The following NKAIN3 variants were observed in gnomAD, a reference collection of about 807,000 sequenced individuals.
NKAIN3 encodes the protein sodium/potassium-transporting ATPase subunit beta-1-interacting protein 3.
A neutral mutation model predicts 30.2 loss-of-function variants in NKAIN3; 25 were observed. That is an observed-to-expected ratio of 0.83 (90% CI 0.60 to 1.16). The LOEUF is 1.16. Ranked by LOEUF, NKAIN3 falls within the 50% of genes most tolerant of loss-of-function variation. The pLI, the probability that NKAIN3 is intolerant of heterozygous loss-of-function variation, is 0.00. For synonymous variants in NKAIN3, 91 were observed against 89.6 expected (o/e 1.02, Z -0.09); for missense variants, 225 against 254.1 (o/e 0.89, Z 0.78).
At chr8:62,868,336 A>G (rs1478213729) in intron 4 of NKAIN3, among the ~76,000 whole-genome samples, 1 of 120,830 alleles carries the variant, frequency 8.3e-6, no homozygotes, top group African/African-American at 3.0e-5. Context: ...TTCTTAGTTC[A>G]TTTCCTTTTT....
chr8:62,804,059 C>T (rs979028210), intron 4 of NKAIN3, among the ~76,000 whole-genome samples: 30 of 152,058 alleles, frequency 2.0e-4, no homozygotes, highest in Non-Finnish European at 3.7e-4. Flanking sequence ...CCAAGATTAA[C>T]CAGGAAGAAG....
intron 1 of NKAIN3, among the ~76,000 whole-genome samples, chr8:62,528,578 C>T (rs1764049596): frequency 6.6e-6 from 1 of 151,710 alleles, no homozygotes; most frequent in South Asian, 2.1e-4. Flanking sequence ...AAGCTCATAG[C>T]TCTTAGAGCT....
At chr8:62,761,134 C>T (rs1163191985) in intron 4 of NKAIN3, among the ~76,000 whole-genome samples, 1 of 152,082 alleles carries the variant, frequency 6.6e-6, no homozygotes, top group Non-Finnish European at 1.5e-5. Context: ...AACAGGCTCA[C>T]AGTGTATACT....
intron 5 of NKAIN3, among the ~76,000 whole-genome samples, chr8:62,918,813 C>G (rs1822183723): frequency 6.6e-6 from 1 of 152,048 alleles, no homozygotes; most frequent in African/African-American, 2.4e-5. Flanking sequence ...GCCGAGTAGA[C>G]AGTCAGCGGT....
rs566183292 is a variant in NKAIN3 at position 62,976,002 on chromosome 8, T to C, written c.*10595T>C. On this transcript the variant is annotated 3_prime_UTR_variant, in exon 7 of 7. Coordinates refer to ENST00000623646, the MANE Select transcript of NKAIN3 (RefSeq NM_001304533.3). ...ATGTAGTTGTGTGGTTTTGAGTGAG[T>C]TTCTTAATCCTGAGTTCTAACTTGA... 5.6e-4 allele frequency among the ~76,000 whole-genome samples: 86 copies of C among 152,272 alleles called. No individual in the cohort carries two copies. The highest frequency in any genetic ancestry group is 3.4e-3 in the Middle Eastern group (1 of 294).
At chr8:62,961,163 C>G (rs1253030559) in intron 6 of NKAIN3, among the ~76,000 whole-genome samples, 1 of 152,062 alleles carries the variant, frequency 6.6e-6, no homozygotes, top group Non-Finnish European at 1.5e-5. Flanking sequence ...TGACTGTAGT[C>G]CCAGCTACTT....
intron 4 of NKAIN3, among the ~76,000 whole-genome samples, chr8:62,809,026 T>A (rs564724374): frequency 1.3e-5 from 2 of 152,154 alleles, no homozygotes; most frequent in Non-Finnish European, 2.9e-5. Context: ...TGCATTCTCT[T>A]TCTCAGGGCT....
intron 6 of NKAIN3, among the ~76,000 whole-genome samples, chr8:62,954,769 C>G (rs1823376868): frequency 6.6e-6 from 1 of 152,158 alleles, no homozygotes; most frequent in Admixed American, 6.6e-5. Flanking sequence ...GAAAACACTG[C>G]AATGTGCTAA....
chr8:62,665,150 C>T (rs1483311866), intron 3 of NKAIN3, among the ~76,000 whole-genome samples: 1 of 152,180 alleles, frequency 6.6e-6, no homozygotes, highest in Admixed American at 6.5e-5. Flanking sequence ...AGGAAATTCA[C>T]ATGCACATAC....
At chr8:62,809,685 T>C (rs1230925893) in intron 4 of NKAIN3, among the ~76,000 whole-genome samples, 1 of 152,226 alleles carries the variant, frequency 6.6e-6, no homozygotes, top group Non-Finnish European at 1.5e-5. Flanking sequence ...ATTGAATGCA[T>C]ATTGAAAGCC....
chr8:62,307,306 C>A (rs1482345129), intron 1 of NKAIN3, among the ~76,000 whole-genome samples: 1 of 148,664 alleles, frequency 6.7e-6, no homozygotes, highest in Non-Finnish European at 1.5e-5. Flanking sequence ...CAATGGAAAT[C>A]AAGCCAAAAT....
At chr8:62,893,847 C>G (rs1563615724) in intron 4 of NKAIN3, among the ~76,000 whole-genome samples, 1 of 152,120 alleles carries the variant, frequency 6.6e-6, no homozygotes, top group Non-Finnish European at 1.5e-5. Flanking sequence ...CTAGAGGAGA[C>G]AGAAGATTGA....
intron 4 of NKAIN3, among the ~76,000 whole-genome samples, chr8:62,850,962 C>A (rs1161148544): frequency 6.6e-6 from 1 of 151,898 alleles, no homozygotes; most frequent in Non-Finnish European, 1.5e-5. Flanking sequence ...TCCATATGAA[C>A]TTTAAAGTAG....
intron 3 of NKAIN3, among the ~76,000 whole-genome samples, chr8:62,730,675 A>C (rs1815435844): frequency 6.6e-6 from 1 of 152,106 alleles, no homozygotes; most frequent in Non-Finnish European, 1.5e-5. Flanking sequence ...TTTTTAAAAA[A>C]TTTCTTCCTT....
chr8:62,527,822 T>C (rs898126888), intron 1 of NKAIN3, among the ~76,000 whole-genome samples: 6 of 151,892 alleles, frequency 4.0e-5, no homozygotes, highest in Admixed American at 6.6e-5. Flanking sequence ...AGGTCTGACT[T>C]GTGACTTAAT....
chr8:62,389,005 G>C (rs1293687354), intron 1 of NKAIN3, among the ~76,000 whole-genome samples: 2 of 152,144 alleles, frequency 1.3e-5, no homozygotes, highest in African/African-American at 2.4e-5. Flanking sequence ...GCCCTCCAGG[G>C]AGCAGCCCGT....
intron 5 of NKAIN3, among the ~76,000 whole-genome samples, chr8:62,939,206 G>C (rs1048786041): frequency 6.6e-6 from 1 of 151,868 alleles, no homozygotes; most frequent in East Asian, 1.9e-4. Flanking sequence ...CAAAAACAAA[G>C]AAAAAAATCA....
intron 1 of NKAIN3, among the ~76,000 whole-genome samples, chr8:62,445,628 C>T (rs575459095): frequency 2.6e-5 from 4 of 152,254 alleles, no homozygotes; most frequent in South Asian, 2.1e-4. Flanking sequence ...GAATGAAGCA[C>T]AAGATGCAAG....
At position 62,743,692 on chromosome 8, in the gene NKAIN3, G is replaced by A. The variant is rs115444573; in HGVS notation, c.274-3240G>A. On this transcript the variant is annotated intron_variant, in intron 3 of 6. Coordinates refer to ENST00000623646, the MANE Select transcript of NKAIN3 (RefSeq NM_001304533.3). The stretch of plus-strand genomic sequence containing the variant: ...GAGTCCAGGAGTTCAAGGATGGAAT[G>A]AGCTATGTTCTCACCACTGTACTCC... Among the ~76,000 whole-genome samples the A allele has an allele frequency of 5.3e-3, 808 of 152,296 alleles. 4 individuals carry two copies. The highest frequency in any genetic ancestry group is 0.018 in the African/African-American group (753 of 41,564).
Sources: gnomAD v4.1 joint callset for allele counts (sites outside exome capture counted in the v4.1 genomes callset) on GRCh38, gnomAD v4.1.1 for gene constraint, MANE v1.5 for transcripts, NCBI Gene and HGNC (gene_info 2026-07-23, HGNC 2026-07-21) for gene names.